PTPRT: variants seen among roughly 807,000 people sequenced by gnomAD.
PTPRT encodes the protein protein tyrosine phosphatase receptor type T.
A neutral mutation model predicts 176.8 loss-of-function variants in PTPRT; 56 were observed. That is an observed-to-expected ratio of 0.32 (90% confidence interval 0.26 to 0.40). PTPRT has a LOEUF of 0.40. Among genes scored for constraint, PTPRT ranks in the 10% least tolerant of loss-of-function variants. The pLI is 1.00. For missense variants in PTPRT, 1,540 were observed against 1,908.2 expected, an observed-to-expected ratio of 0.81 and a Z score of 3.60; for synonymous variants, 783 against 739.0, an observed-to-expected ratio of 1.06 and a Z score of -0.96.
intron 2 of PTPRT, among the ~76,000 whole-genome samples, chr20:42,793,987 C>T (rs964769145): frequency 1.3e-4 from 20 of 152,306 alleles, no homozygotes; most frequent in Non-Finnish European, 2.4e-4. Flanking sequence ...TGCCAATTCA[C>T]GCCACGGGCT....
chr20:42,284,988 G>GA lies in PTPRT; in HGVS notation c.2140-2464dup, dbSNP rs368037850. On this transcript the variant is annotated intron_variant, in intron 12 of 30. Coordinates refer to ENST00000373187, the MANE Select transcript of PTPRT (RefSeq NM_007050.6). ...AAAAAAAAAAAAGGAAAATGGCTGA[G>GA]AAAAAAAGTAACAGTAAAGGACATT... Among the ~76,000 whole-genome samples the GA allele has an allele frequency of 3.1e-3, 464 of 150,174 alleles. 6 individuals are homozygous for GA. Among genetic ancestry groups the GA allele is most frequent in the African/African-American group, 9.9e-3 (406 of 41,074 alleles).
chr20:42,144,246 A>G (rs1988763369), intron 17 of PTPRT, among the ~76,000 whole-genome samples: 2 of 152,208 alleles, frequency 1.3e-5, no homozygotes, highest in Admixed American at 1.3e-4. Flanking sequence ...AGCCTGGGTT[A>G]GAAACAGGAT....
At chr20:42,412,978 C>T (rs886793462) in intron 9 of PTPRT, among the ~76,000 whole-genome samples, 3 of 152,096 alleles carry the variant, frequency 2.0e-5, no homozygotes, top group African/African-American at 7.2e-5. Context: ...GGTTATACAA[C>T]TATACATTTA....
At chr20:43,169,250 C>A (rs1479030282) in intron 1 of PTPRT, among the ~76,000 whole-genome samples, 1 of 152,208 alleles carries the variant, frequency 6.6e-6, no homozygotes, top group Non-Finnish European at 1.5e-5. Context: ...CAAACAATTT[C>A]ACCTTTTCTT....
chr20:42,057,084 C>A, the PTPRT span, among the ~76,000 whole-genome samples: 13 of 152,210 alleles, frequency 8.5e-5, no homozygotes, highest in African/African-American at 3.1e-4. Flanking sequence ...ATTGTGCAGT[C>A]ATTGTATTGT....
intron 1 of PTPRT, among the ~76,000 whole-genome samples, chr20:42,906,171 G>T (rs1159082225): frequency 6.6e-6 from 1 of 152,134 alleles, no homozygotes; most frequent in Non-Finnish European, 1.5e-5. Flanking sequence ...ACAAGCGTCT[G>T]GACATCAAGA....
chr20:42,866,813 C>T (rs2078754315), intron 2 of PTPRT, among the ~76,000 whole-genome samples: 1 of 152,298 alleles, frequency 6.6e-6, no homozygotes, highest in African/African-American at 2.4e-5. Context: ...CACACTGCCA[C>T]TTCTGTGTGA....
chr20:42,079,584 G>C lies in PTPRT; in HGVS notation c.*1295C>G, dbSNP rs1983115481. 1 of 225,484 alleles carries C rather than the reference G, an allele frequency of 4.4e-6. No homozygotes were observed. Among genetic ancestry groups the C allele is most frequent in the African/African-American group, 2.2e-5 (1 of 44,868 alleles). 14.0% of individuals were successfully genotyped at this position (225,484 alleles called of 1,614,324 possible). A position where few individuals can be genotyped will look rare whatever the true frequency, so the allele number is the denominator to read the frequency against. ...ATACAGTAGAGACTTAGCAAATGTT[G>C]GTTCCCTCTCATTGACTCACTCACA... On this transcript the variant is annotated 3_prime_UTR_variant, in exon 31 of 31. Coordinates refer to ENST00000373187, the MANE Select transcript of PTPRT (RefSeq NM_007050.6).
chr20:42,569,821 T>C (rs758638294), intron 7 of PTPRT, among the ~76,000 whole-genome samples: 4 of 152,204 alleles, frequency 2.6e-5, no homozygotes, highest in Non-Finnish European at 5.9e-5. Context: ...ACGTTTATCA[T>C]CATTTAGCCA....
intron 15 of PTPRT, among the ~76,000 whole-genome samples, chr20:42,219,788 G>T (rs1328365623): frequency 6.6e-6 from 1 of 152,178 alleles, no homozygotes; most frequent in Non-Finnish European, 1.5e-5. Flanking sequence ...CCTGAGGCCA[G>T]GGCTTGACAG....
chr20:42,961,093 G>A (rs1249340760), intron 1 of PTPRT, among the ~76,000 whole-genome samples: 5 of 151,906 alleles, frequency 3.3e-5, no homozygotes, highest in Admixed American at 2.6e-4. Context: ...GAGATAAACA[G>A]ATAAAAAGAG....
Position 42,841,610 on chromosome 20 carries a change from TACACACACACACACAC to T in PTPRT, c.214+44181_214+44196del, listed in dbSNP as rs3973897. 3.7e-3 allele frequency among the ~76,000 whole-genome samples: 526 copies of T among 141,012 alleles called. 4 individuals carry two copies. The highest frequency in any genetic ancestry group is 9.3e-3 in the African/African-American group (351 of 37,830). 92.5% of individuals were successfully genotyped at this position (141,012 alleles called of 152,430 possible). A position where few individuals can be genotyped will look rare whatever the true frequency, so the allele number is the denominator to read the frequency against. On this transcript the variant is annotated intron_variant, in intron 2 of 30. Coordinates refer to ENST00000373187, the MANE Select transcript of PTPRT (RefSeq NM_007050.6). ...ACAGCCAAATGAATTTAGTGTTAAA[TACACACACACACACAC>T]ACACACACACACACACACACACACA...
chr20:43,008,105 T>A (rs1274416881), intron 1 of PTPRT, among the ~76,000 whole-genome samples: 1 of 152,222 alleles, frequency 6.6e-6, no homozygotes, highest in Non-Finnish European at 1.5e-5. Context: ...CAGTCTTCAA[T>A]GGACTAAATG....
At chr20:42,161,766 C>T (rs1331634284) in intron 16 of PTPRT, among the ~76,000 whole-genome samples, 1 of 152,168 alleles carries the variant, frequency 6.6e-6, no homozygotes, top group Non-Finnish European at 1.5e-5. Context: ...CAACACATTT[C>T]AAGGGCACAG....
chr20:42,200,289 T>G (rs1426444845), intron 15 of PTPRT, among the ~76,000 whole-genome samples: 2 of 152,242 alleles, frequency 1.3e-5, no homozygotes, highest in African/African-American at 4.8e-5. Context: ...ACTATTCTTC[T>G]GTATACTGTG....
intron 2 of PTPRT, among the ~76,000 whole-genome samples, chr20:42,871,443 T>C (rs1175000678): frequency 6.6e-6 from 1 of 152,224 alleles, no homozygotes; most frequent in Non-Finnish European, 1.5e-5. Context: ...AGGTTGTCTT[T>C]TAATTCTGTT....
rs187648785 is a variant in PTPRT, at chr20:42,456,956, A to T, written c.1451-8627T>A. Reference sequence around the variant, plus strand: ...TGTGTACTTTGTTGCAAAAGTTTAAATTACTGATTCTATTTCTTTATTTGT... The same window carrying T: ...TGTGTACTTTGTTGCAAAAGTTTAATTTACTGATTCTATTTCTTTATTTGT... On this transcript the variant is annotated intron_variant, in intron 8 of 30. Transcript: ENST00000373187. Among the ~76,000 whole-genome samples, 728 of 152,300 alleles carry T rather than the reference A, an allele frequency of 4.8e-3. 5 individuals are homozygous for T. Among genetic ancestry groups the T allele is most frequent in the African/African-American group, 0.016 (667 of 41,574 alleles).
intron 2 of PTPRT, among the ~76,000 whole-genome samples, chr20:42,867,683 C>CA (rs375104628): frequency 8.8e-6 from 1 of 113,404 alleles, no homozygotes; most frequent in Admixed American, 9.8e-5. Context: ...TACATATGGC[C>CA]TTTTTTTTTT....
intron 12 of PTPRT, among the ~76,000 whole-genome samples, chr20:42,284,570 G>T (rs1435521185): frequency 6.6e-6 from 1 of 152,076 alleles, no homozygotes; most frequent in Non-Finnish European, 1.5e-5. Context: ...CTTCCACGTT[G>T]ATATTCATCT....
Sources: gnomAD v4.1 joint callset for allele counts (sites outside exome capture counted in the v4.1 genomes callset) on GRCh38, gnomAD v4.1.1 for gene constraint, MANE v1.5 for transcripts, NCBI Gene and HGNC (gene_info 2026-07-23, HGNC 2026-07-21) for gene names.